Variants in SART3 observed in about 807,000 individuals in gnomAD.
SART3 encodes HIV-1 Tat-interacting protein of 110kDa.
A neutral mutation model predicts 122.3 loss-of-function variants in SART3; 44 were observed. The observed-to-expected ratio is 0.36, with a 90% CI of 0.28 to 0.46. The LOEUF is 0.46. Among genes scored for constraint, SART3 ranks in the 20% least tolerant of loss-of-function variants. The probability of loss-of-function intolerance (pLI) is 1.00; values close to 1 mark genes in which losing one functional copy is unlikely to be tolerated. For missense variants in SART3, 1,101 were observed against 1,229.0 expected (o/e 0.90, Z 1.56); for synonymous variants, 442 against 454.0 (o/e 0.97, Z 0.34).
intron 15 of SART3, among the ~76,000 whole-genome samples, chr12:108,527,254 C>T (rs1247566264): frequency 1.3e-5 from 2 of 152,200 alleles, no homozygotes; most frequent in East Asian, 1.9e-4. Flanking sequence ...CCAGCCTCCT[C>T]GACCACTGCC....
chr12:108,532,133 C>CT, intron 13 of SART3, 89 bp downstream of exon 13: 1 of 1,125,840 alleles, frequency 8.9e-7, no homozygotes, highest in Non-Finnish European at 1.3e-6. Flanking sequence ...TAAACACAGT[C>CT]TGTCCCCAGA....
intron 1 of SART3, chr12:108,554,232 G>A (rs1288652522): frequency 1.6e-5 from 2 of 125,664 alleles, no homozygotes; most frequent in East Asian, 2.4e-4. Context: ...ATGACCTAAA[G>A]GCTTCATGGG....
chr12:108,540,537 C>G (rs1428443356), intron 6 of SART3, among the ~76,000 whole-genome samples: 1 of 150,330 alleles, frequency 6.7e-6, no homozygotes, highest in Non-Finnish European at 1.5e-5. Context: ...GTAAATTATT[C>G]CCCAAATTGA....
At chr12:108,560,687 G>A (rs1030675309) in intron 1 of SART3, 156 bp downstream of exon 1, 5 of 609,388 alleles carry the variant, frequency 8.2e-6, no homozygotes, top group African/African-American at 5.6e-5. Context: ...TGGGCAGGCA[G>A]TAAGCACTCA....
intron 15 of SART3, among the ~76,000 whole-genome samples, chr12:108,529,174 T>C (rs1025922544): frequency 2.6e-5 from 4 of 152,172 alleles, no homozygotes; most frequent in Non-Finnish European, 4.4e-5. Flanking sequence ...GCATTGCAAG[T>C]GTGAAGGGGA....
chr12:108,535,479 T>C lies in SART3; in HGVS notation c.1447-11A>G, dbSNP rs768895850. On this transcript the variant is annotated splice_polypyrimidine_tract_variant and intron_variant, in intron 11 of 18. Coordinates refer to ENST00000546815, the MANE Select transcript of SART3 (RefSeq NM_014706.4). Reference sequence around the variant, plus strand: ...ATTGCACAGTCGAGCCTAAAGTGCATCAGCAGGCTGTTAGGAGACCTGAAC... The same window carrying C: ...ATTGCACAGTCGAGCCTAAAGTGCACCAGCAGGCTGTTAGGAGACCTGAAC... The C allele has an allele frequency of 1.9e-6, 3 of 1,609,850 alleles. No individual in the cohort carries two copies. The East Asian group carries it at 6.7e-5, about 36-fold the overall frequency.
intron 3 of SART3, among the ~76,000 whole-genome samples, chr12:108,547,396 C>T (rs1288150270): frequency 1.3e-5 from 2 of 152,188 alleles, no homozygotes; most frequent in East Asian, 3.9e-4. Flanking sequence ...CCCATTGTTC[C>T]AAGGTCAATT....
chr12:108,532,278 G>A lies in SART3; in HGVS notation c.1613C>T (p.Thr538Ile). ...GCAGACGTGCTCTGGGTAGTCACTG[G>A]TGCACTGGACGGCCCGGTGCAGAGC... ...RKALHRAVQC[T>I]SDYPEHVCEV... The change falls in exon 13 of 19, where the codon ACC becomes ATC. Residue 538 changes from threonine to isoleucine, a missense_variant. Thr to Ile is a moderately conservative substitution (Grantham distance 89). Coordinates refer to ENST00000546815, the MANE Select transcript of SART3 (RefSeq NM_014706.4). 1 of 1,614,178 alleles carries A rather than the reference G, an allele frequency of 6.2e-7. No homozygotes were observed. Among genetic ancestry groups the A allele is most frequent in the Non-Finnish European group, 8.5e-7 (1 of 1,180,016 alleles).
Position 108,530,431 on chromosome 12 carries a change from A to T in SART3, c.1747-121T>A. ...CTAATGAAAAGCAGAGATCAGGAGA[A>T]AAACGTGGACAGGCTCACGGCTGTT... On this transcript the variant is annotated intron_variant, in intron 14 of 18. Coordinates refer to ENST00000546815, the MANE Select transcript of SART3 (RefSeq NM_014706.4). 3.5e-6 allele frequency: 4 copies of T among 1,141,356 alleles called. No individual in the cohort carries two copies. In the South Asian group the frequency reaches 5.2e-5, roughly 15 times the overall value. The allele number at this position is 1,141,356 out of a possible 1,614,324, so 70.7% of individuals were successfully genotyped here.
intron 4 of SART3, 180 bp from the exon 5 acceptor site, chr12:108,544,658 C>T: frequency 2.5e-6 from 2 of 788,782 alleles, no homozygotes; most frequent in Non-Finnish European, 4.3e-6. Flanking sequence ...CCTCACACTC[C>T]AGGCTCATGC....
chr12:108,527,638 G>A (rs1872445823), intron 15 of SART3, among the ~76,000 whole-genome samples: 1 of 152,218 alleles, frequency 6.6e-6, no homozygotes, highest in South Asian at 2.1e-4. Context: ...ATTTAGGAAA[G>A]CCCAAACAAG....
At chr12:108,541,521 A>G (rs1345910804) in intron 6 of SART3, among the ~76,000 whole-genome samples, 3 of 152,182 alleles carry the variant, frequency 2.0e-5, no homozygotes, top group Non-Finnish European at 4.4e-5. Context: ...AAGATACATC[A>G]AAAGGGAAAT....
At chr12:108,538,844 G>A in intron 7 of SART3, 90 bp downstream of exon 7, 2 of 1,477,300 alleles carry the variant, frequency 1.4e-6, no homozygotes, top group Admixed American at 1.7e-5. Flanking sequence ...CAAGAGTAGG[G>A]CCGTATGCAA....
intron 18 of SART3, 133 bp from the exon 19 acceptor site, chr12:108,523,767 C>T: frequency 1.2e-6 from 1 of 834,808 alleles, no homozygotes. Flanking sequence ...ATAAGATAAT[C>T]CCTGCCTCCT....
chr12:108,537,202 T>G, intron 9 of SART3: 1 of 444,218 alleles, frequency 2.3e-6, no homozygotes, highest in Non-Finnish European at 4.2e-6. Context: ...ACAGCAGACT[T>G]ATTTCAAGAA....
At chr12:108,544,543 A>C (rs1225001336) in intron 4 of SART3, 65 bp from the exon 5 acceptor site, 1 of 1,609,890 alleles carries the variant, frequency 6.2e-7, no homozygotes, top group East Asian at 2.2e-5. Context: ...CTAAAGAAGC[A>C]AATTAGTAGT....
intron 12 of SART3, among the ~76,000 whole-genome samples, chr12:108,533,926 G>A (rs1872789044): frequency 6.6e-6 from 1 of 152,106 alleles, no homozygotes; most frequent in Non-Finnish European, 1.5e-5. Context: ...TATGAAAGAA[G>A]AATACCCACA....
In SART3 at chr12:108,524,319, C is replaced by A. The variant is rs1872266722; in HGVS notation, c.2711G>T (p.Gly904Val). The A allele has an allele frequency of 4.3e-6, 7 of 1,613,472 alleles. No individual in the cohort carries two copies. In the African/African-American group the frequency reaches 9.3e-5, roughly 22 times the overall value. Residue 904 changes from glycine (G) to valine (V), a missense_variant, in exon 18 of 19, where the codon GGA becomes GTA. By Grantham distance (109) the Gly-to-Val change is moderately radical. This residue lies in a region of SART3 where 885 missense variants were observed against 1,080.1 expected (regional missense o/e 0.82). Transcript: ENST00000546815. ...AGTCTACCATGCAAGCACTTACGCT[C>A]CGTATGTCTGCGGCAAAAGCATGGG... ...GGPMLLPQTY[G>V]ARGKGRTQLS...
rs762063069 is a variant in SART3 at position 108,524,399 on chromosome 12, G to A, written c.2631C>T (p.Asn877=). 13 of 1,613,956 alleles carry A rather than the reference G, an allele frequency of 8.1e-6. No individual in the cohort carries two copies. The African/African-American group carries it at 1.5e-4, about 18-fold the overall frequency. ...TCTCTGGAACTTTCCTCTGAGGAGGGTTGCTGATTGCCACTTTGATGATGT... is the reference window on the plus strand; with the variant it reads ...TCTCTGGAACTTTCCTCTGAGGAGGATTGCTGATTGCCACTTTGATGATGT... ...KENIIKVAIS[N]PPQRKVPEKP... Residue 877 remains asparagine (N), a synonymous_variant, in exon 18 of 19, where the codon AAC becomes AAT. Transcript: ENST00000546815.
Sources: gnomAD v4.1 joint callset for allele counts (sites outside exome capture counted in the v4.1 genomes callset) on GRCh38, gnomAD v4.1.1 for gene constraint, gnomAD v4.1.1 regional missense constraint, MANE v1.5 for transcripts, NCBI Gene and HGNC (gene_info 2026-07-23, HGNC 2026-07-21) for gene names.